SNX1: variants seen among roughly 807,000 people sequenced by gnomAD.
The protein encoded by SNX1 is sorting nexin-1.
SNX1 carries 36 observed loss-of-function variants against 71.8 expected under a neutral mutation model. The ratio of observed to expected loss-of-function variants is 0.50; its 90% CI spans 0.38 to 0.66. The LOEUF is 0.66. Ranked by LOEUF, SNX1 falls within the 30% of genes least tolerant of loss-of-function variation. SNX1 has a pLI of 0.00. For missense variants in SNX1, 612 were observed against 646.7 expected (o/e 0.95, Z 0.58); for synonymous variants, 254 against 240.7 (o/e 1.06, Z -0.51).
In SNX1 at chr15:64,140,578, A is replaced by G. The variant is rs1320239595; in HGVS notation, c.*2960A>G. 4.0e-5 allele frequency: 6 copies of G among 151,846 alleles called. No homozygotes were observed. The highest frequency in any genetic ancestry group is 9.7e-5 in the African/African-American group (4 of 41,308). 9.4% of individuals were successfully genotyped at this position (151,846 alleles called of 1,614,324 possible). On this transcript the variant is annotated 3_prime_UTR_variant, in exon 15 of 15. Coordinates refer to ENST00000559844, the MANE Select transcript of SNX1 (RefSeq NM_003099.5). ...AATGGTATTTATTTATTTTTATTTG[A>G]TTTGATTATTATTACTATTTTTGAG...
chr15:64,119,737 A>AGAAC (rs1555491446), intron 4 of SNX1, among the ~76,000 whole-genome samples: 2 of 141,058 alleles, frequency 1.4e-5, no homozygotes. Context: ...AAAAAAAAAA[A>AGAAC]ACACACACAC....
intron 12 of SNX1, among the ~76,000 whole-genome samples, chr15:64,135,241 C>G (rs908001217): frequency 1.3e-5 from 2 of 151,804 alleles, no homozygotes; most frequent in Non-Finnish European, 2.9e-5. Flanking sequence ...CCTCAGCCTC[C>G]CAAGTAGCTG....
At chr15:64,104,621 A>G (rs1440781861) in intron 1 of SNX1, among the ~76,000 whole-genome samples, 1 of 150,822 alleles carries the variant, frequency 6.6e-6, no homozygotes, top group Non-Finnish European at 1.5e-5. Flanking sequence ...ACTGTGGCTC[A>G]TGTCTGTGAT....
intron 5 of SNX1, among the ~76,000 whole-genome samples, chr15:64,124,169 T>C (rs2081225501): frequency 7.1e-6 from 1 of 140,908 alleles, no homozygotes; most frequent in African/African-American, 2.8e-5. Flanking sequence ...TATATATATA[T>C]ATATATATAT....
In SNX1 at chr15:64,096,076, G is replaced by C; in HGVS notation, c.63G>C (p.Leu21=). ...SERLPPPFPG[L]EPESEGAAGG... is the part of the protein sequence containing the mutation. ...GACTGCCTCCGCCCTTCCCCGGCCT[G>C]GAGCCGGAGTCCGAGGGGGCGGCCG... The change falls in exon 1 of 15, where the codon CTG becomes CTC. Residue 21 remains leucine (L), a synonymous_variant. Transcript: ENST00000559844. 1 of 1,579,246 alleles carries C rather than the reference G, an allele frequency of 6.3e-7. No homozygotes were observed.
chr15:64,099,776 A>T (rs940786555), intron 1 of SNX1, among the ~76,000 whole-genome samples: 2 of 152,246 alleles, frequency 1.3e-5, no homozygotes, highest in African/African-American at 4.8e-5. Context: ...CAGTGGCACA[A>T]TCTCAGCTCA....
intron 4 of SNX1, among the ~76,000 whole-genome samples, chr15:64,120,528 T>A (rs192089006): frequency 5.1e-4 from 77 of 152,172 alleles, no homozygotes; most frequent in African/African-American, 1.8e-3. Context: ...CTATTGATTT[T>A]AGGCCAGGTG....
rs942753061 is a variant in SNX1 at position 64,138,114 on chromosome 15, T to C, written c.*496T>C. ...GTTGCCCAGGTATAGTAAGTTTTTC[T>C]CTACCGTTCACAAGTTTTGTGCTGC... On this transcript the variant is annotated 3_prime_UTR_variant, in exon 15 of 15. Transcript: ENST00000559844. 39 of 1,535,784 alleles carry C rather than the reference T, an allele frequency of 2.5e-5. No individual in the cohort carries two copies. The African/African-American group carries it at 3.0e-4, about 12-fold the overall frequency.
intron 8 of SNX1, among the ~76,000 whole-genome samples, chr15:64,128,898 A>G (rs573410268): frequency 5.5e-4 from 83 of 152,204 alleles, no homozygotes; most frequent in African/African-American, 1.9e-3. Context: ...AACAACCACA[A>G]TCATCTCCAG....
rs1423084536 is a variant in SNX1 at position 64,140,191 on chromosome 15, T to A, written c.*2573T>A. 6.6e-6 allele frequency: 1 copy of A among 152,288 alleles called. No homozygotes were observed. The highest frequency in any genetic ancestry group is 6.5e-5 in the Admixed American group (1 of 15,290). The allele number at this position is 152,288 out of a possible 1,614,324, so 9.4% of individuals were successfully genotyped here. ...TGATTAGTCTTGTCCCAGTTATTAC[T>A]GTCATGATTGACCAACATGATTTCC... On this transcript the variant is annotated 3_prime_UTR_variant, in exon 15 of 15. Coordinates refer to ENST00000559844, the MANE Select transcript of SNX1 (RefSeq NM_003099.5).
chr15:64,140,869 G>A lies in SNX1; in HGVS notation c.*3251G>A, dbSNP rs1567336984. 2.6e-5 allele frequency: 4 copies of A among 152,190 alleles called. No individual in the cohort carries two copies. Among genetic ancestry groups the A allele is most frequent in the African/African-American group, 7.2e-5 (3 of 41,420 alleles). 9.4% of individuals were successfully genotyped at this position (152,190 alleles called of 1,614,324 possible). The stretch of plus-strand genomic sequence containing the variant: ...CAAAGTGCTGGGATTACAGGTGTGA[G>A]CCACCATACCCAGCCAGAGAATGTT... On this transcript the variant is annotated 3_prime_UTR_variant, in exon 15 of 15. Coordinates refer to ENST00000559844, the MANE Select transcript of SNX1 (RefSeq NM_003099.5).
In SNX1 at chr15:64,137,719, G is replaced by A; in HGVS notation, c.*101G>A. 1 of 1,574,442 alleles carries A rather than the reference G, an allele frequency of 6.4e-7. No individual in the cohort carries two copies. The highest frequency in any genetic ancestry group is 8.7e-7 in the Non-Finnish European group (1 of 1,155,496). On this transcript the variant is annotated 3_prime_UTR_variant, in exon 15 of 15. Transcript: ENST00000559844. ...CTAGTGATGCATCCTGCCTAGGCTG[G>A]ACTTAACCCCTTCCTCCCTGTCCCC...
chr15:64,099,355 T>C lies in SNX1; in HGVS notation c.159+3183T>C, dbSNP rs532058025. On this transcript the variant is annotated intron_variant, in intron 1 of 14. Coordinates refer to ENST00000559844, the MANE Select transcript of SNX1 (RefSeq NM_003099.5). Reference sequence around the variant, plus strand: ...CCCTCCATAATAAACATTTAAAGAGTGCTTACTTTTTGAGGGCATGAGCTG... The same window carrying C: ...CCCTCCATAATAAACATTTAAAGAGCGCTTACTTTTTGAGGGCATGAGCTG... Among the ~76,000 whole-genome samples, 4 of 152,224 alleles carry C rather than the reference T, an allele frequency of 2.6e-5. No homozygotes were observed. The South Asian group carries it at 8.3e-4, about 32-fold the overall frequency.
intron 1 of SNX1, among the ~76,000 whole-genome samples, chr15:64,104,279 T>G (rs1420952511): frequency 1.3e-5 from 2 of 150,260 alleles, no homozygotes; most frequent in Admixed American, 1.3e-4. Context: ...AGGGTTTTTT[T>G]TTTTTTTTTT....
At chr15:64,135,739 C>A (rs1456363758) in intron 12 of SNX1, among the ~76,000 whole-genome samples, 1 of 123,944 alleles carries the variant, frequency 8.1e-6, no homozygotes, top group South Asian at 2.5e-4. Flanking sequence ...AGCCTGGCAA[C>A]AGAGCAAGAC....
intron 4 of SNX1, among the ~76,000 whole-genome samples, chr15:64,122,222 G>A (rs2081203245): frequency 6.6e-6 from 1 of 151,178 alleles, no homozygotes; most frequent in Non-Finnish European, 1.5e-5. Context: ...CTATTCTGCT[G>A]TGAATGAAAT....
At chr15:64,099,997 C>T (rs1260725598) in intron 1 of SNX1, among the ~76,000 whole-genome samples, 1 of 152,210 alleles carries the variant, frequency 6.6e-6, no homozygotes, top group Non-Finnish European at 1.5e-5. Context: ...CAGGCATGAG[C>T]CACCATGCCC....
Position 64,127,200 on chromosome 15 carries a change from G to A in SNX1, c.679G>A (p.Glu227Lys), listed in dbSNP as rs767509497. The A allele has an allele frequency of 6.2e-7, 1 of 1,613,706 alleles. No individual in the cohort carries two copies. Among genetic ancestry groups the A allele is most frequent in the Admixed American group, 1.7e-5 (1 of 59,900 alleles). Residue 227 changes from glutamate to lysine, a missense_variant, in exon 7 of 15, where the codon GAA becomes AAA. Glu to Lys is a moderately conservative substitution (Grantham distance 56). This residue lies in a region of SNX1 where 316 missense variants were observed against 284.9 expected (regional missense o/e 1.11). Transcript: ENST00000559844. ...GATGACAAAAGTGAAAGTTGGGAAG[G>A]AAGATTCTTCTTCTGCAGAATTTCT... ...IGMTKVKVGK[E>K]DSSSAEFLEK... is the part of the protein sequence containing the mutation.
At chr15:64,108,742 C>G (rs139654128) in intron 1 of SNX1, among the ~76,000 whole-genome samples, 15 of 152,190 alleles carry the variant, frequency 9.9e-5, no homozygotes, top group African/African-American at 3.6e-4. Context: ...AATCCCAGCA[C>G]TTTGGGAGGC....
Sources: gnomAD v4.1 joint callset for allele counts (sites outside exome capture counted in the v4.1 genomes callset) on GRCh38, gnomAD v4.1.1 for gene constraint, gnomAD v4.1.1 regional missense constraint, MANE v1.5 for transcripts, NCBI Gene and HGNC (gene_info 2026-07-23, HGNC 2026-07-21) for gene names.